DST: variants seen among roughly 807,000 people sequenced by gnomAD.
The protein encoded by DST is bullous pemphigoid antigen.
In DST, 253 loss-of-function variants were observed where a neutral mutation model predicts 875.2. That is an observed-to-expected ratio of 0.29 (90% CI 0.26 to 0.32). The LOEUF is 0.32. Ranked by LOEUF, DST falls within the 10% of genes least tolerant of loss-of-function variation. The pLI is 1.00. For synonymous variants in DST, 3,124 were observed against 3,197.1 expected, an observed-to-expected ratio of 0.98 and a Z score of 0.77; for missense variants, 8,287 against 9,111.6, an observed-to-expected ratio of 0.91 and a Z score of 3.68.
intron 62 of DST, among the ~76,000 whole-genome samples, chr6:56,536,189 G>A (rs73455748): frequency 9.0e-4 from 137 of 152,288 alleles, no homozygotes; most frequent in African/African-American, 3.2e-3. Flanking sequence ...TAAGACATCA[G>A]AGCATTATTT....
At chr6:56,467,383 C>T (rs548190556) in intron 98 of DST, 3 of 152,222 alleles carry the variant, frequency 2.0e-5, no homozygotes, top group East Asian at 3.9e-4. Context: ...ACCTAGAAAG[C>T]ATGTAAAATG....
At chr6:56,615,207 A>G in intron 36 of DST, 1 of 1,175,884 alleles carries the variant, frequency 8.5e-7, no homozygotes, top group Non-Finnish European at 1.1e-6. Context: ...TTCTGAAGAA[A>G]TGACACTGTG....
At chr6:56,644,144 T>C (rs941867560) in intron 15 of DST, among the ~76,000 whole-genome samples, 8 of 152,190 alleles carry the variant, frequency 5.3e-5, no homozygotes, top group African/African-American at 1.9e-4. Context: ...CAGCTACTGT[T>C]CTGATGACTA....
intron 4 of DST, among the ~76,000 whole-genome samples, chr6:56,766,969 C>G (rs1000753636): frequency 6.6e-6 from 1 of 152,172 alleles, no homozygotes; most frequent in Non-Finnish European, 1.5e-5. Flanking sequence ...TGCCCTTAAG[C>G]TACTCTTAAA....
intron 8 of DST, among the ~76,000 whole-genome samples, chr6:56,701,379 T>G (rs1287912938): frequency 6.6e-6 from 1 of 152,126 alleles, no homozygotes; most frequent in Non-Finnish European, 1.5e-5. Context: ...TGTTGTTATA[T>G]CTTTACTCAT....
At chr6:56,596,130 G>C (rs2098382370) in intron 47 of DST, among the ~76,000 whole-genome samples, 1 of 152,044 alleles carries the variant, frequency 6.6e-6, no homozygotes, top group Non-Finnish European at 1.5e-5. Context: ...CTGGGTTCCA[G>C]CGATTCTCCT....
chr6:56,617,182 AGT>A, intron 36 of DST: 3 of 1,601,420 alleles, frequency 1.9e-6, no homozygotes, highest in Non-Finnish European at 2.6e-6. Context: ...TGGCAGTCAC[AGT>A]GTGCCTAAGC....
intron 61 of DST, among the ~76,000 whole-genome samples, chr6:56,550,115 T>C (rs904468640): frequency 4.1e-4 from 62 of 152,118 alleles, no homozygotes; most frequent in African/African-American, 1.4e-3. Context: ...TTTTAAGGAA[T>C]ACACACACAC....
chr6:56,460,278 A>T (rs763646862), intron 102 of DST, 24 bp from the exon 103 acceptor site: 7 of 1,613,504 alleles, frequency 4.3e-6, no homozygotes, highest in Non-Finnish European at 5.9e-6. Flanking sequence ...GCAACAAGAC[A>T]TTTCAAAATA....
chr6:56,724,104 C>T (rs2099434087), intron 5 of DST, among the ~76,000 whole-genome samples: 1 of 152,138 alleles, frequency 6.6e-6, no homozygotes, highest in African/African-American at 2.4e-5. Context: ...GTTAAAACTG[C>T]TCTATTATAT....
Position 56,530,013 on chromosome 6 carries a change from G to T in DST, c.17229C>A (p.Thr5743=), listed in dbSNP as rs2096867710. Reference sequence around the variant, plus strand: ...TTTGTTCCTCAAGTTTAGATGCTTGGGTTCCTATGGGTTCACAATTCACCA... The same window carrying T: ...TTTGTTCCTCAAGTTTAGATGCTTGTGTTCCTATGGGTTCACAATTCACCA... ...KRLVNCEPIG[T]QASKLEEQIA... is the part of the protein sequence containing the mutation. The change falls in exon 65 of 104, where the codon ACC becomes ACA. Residue 5743 remains threonine (T), a synonymous_variant. Coordinates refer to ENST00000680361, the MANE Select transcript of DST (RefSeq NM_001374736.1). 1 of 1,612,920 alleles carries T rather than the reference G, an allele frequency of 6.2e-7. No individual in the cohort carries two copies.
chr6:56,683,515 C>T (rs901840010), intron 9 of DST, among the ~76,000 whole-genome samples: 4 of 152,160 alleles, frequency 2.6e-5, no homozygotes, highest in African/African-American at 2.4e-5. Flanking sequence ...CTCTCTCCTA[C>T]GGTAGTTTGT....
chr6:56,492,494 G>A, intron 84 of DST, 61 bp from the exon 85 acceptor site: 7 of 1,474,562 alleles, frequency 4.7e-6, no homozygotes, highest in Non-Finnish European at 6.5e-6. Context: ...TCTTAAAAAT[G>A]CTTCTGGTGT....
chr6:56,941,229 T>G (rs1225584794), intron 2 of DST, among the ~76,000 whole-genome samples: 1 of 152,212 alleles, frequency 6.6e-6, no homozygotes, highest in African/African-American at 2.4e-5. Context: ...CCCACAATTT[T>G]GAGATACTGT....
At chr6:56,546,975 A>T (rs73746907) in intron 61 of DST, among the ~76,000 whole-genome samples, 34 of 152,350 alleles carry the variant, frequency 2.2e-4, no homozygotes, top group African/African-American at 7.0e-4. Context: ...ATCCTACATT[A>T]TAAAATCTCT....
rs958513470 is a variant in DST, at chr6:56,476,332, C to G, written c.21681G>C (p.Leu7227=). 2.6e-6 allele frequency: 4 copies of G among 1,564,222 alleles called. No homozygotes were observed. In the African/African-American group the frequency reaches 4.1e-5, roughly 16 times the overall value. Residue 7227 remains leucine (L), a synonymous_variant, in exon 92 of 104, where the codon CTG becomes CTC. Coordinates refer to ENST00000680361, the MANE Select transcript of DST (RefSeq NM_001374736.1). ...TCTGCTGATGTTGCTTTGCCCAGGC[C>G]AGCACCTGTCAGAGAAACAGAAATT... The part of the protein sequence containing the change: ...TIIRARFEEV[L]AWAKQHQQRL...
At chr6:56,804,402 T>A (rs2099750808) in intron 4 of DST, among the ~76,000 whole-genome samples, 1 of 152,166 alleles carries the variant, frequency 6.6e-6, no homozygotes, top group African/African-American at 2.4e-5. Flanking sequence ...CAGAGATAAC[T>A]GTTTTGGTAT....
chr6:56,817,098 C>CAA (rs386407173), intron 4 of DST, among the ~76,000 whole-genome samples: 1 of 151,484 alleles, frequency 6.6e-6, no homozygotes, highest in Non-Finnish European at 1.5e-5. Flanking sequence ...AACACACACA[C>CAA]ACACACACAC....
intron 101 of DST, among the ~76,000 whole-genome samples, 154 bp downstream of exon 101, chr6:56,463,411 C>A (rs998401912): frequency 6.6e-6 from 1 of 151,482 alleles, no homozygotes; most frequent in Non-Finnish European, 1.5e-5. Flanking sequence ...AGCATACATT[C>A]AAAAAAAAAT....
Sources: allele counts gnomAD v4.1 joint callset (sites outside exome capture counted in the v4.1 genomes callset), GRCh38; gene constraint gnomAD v4.1.1; transcripts MANE v1.5; gene names NCBI Gene and HGNC (gene_info 2026-07-23, HGNC 2026-07-21).